CTNNA2: variants seen among roughly 807,000 people sequenced by gnomAD.
The protein encoded by CTNNA2 is catenin alpha-2.
Under a neutral mutation model 101.0 loss-of-function variants are expected in CTNNA2, and 42 were observed. The observed-to-expected ratio is 0.42, with a 90% CI of 0.32 to 0.54. The LOEUF is 0.54. Among genes scored for constraint, CTNNA2 ranks in the 20% least tolerant of loss-of-function variants. The pLI is 0.14. For synonymous variants in CTNNA2, 450 were observed against 456.4 expected, an observed-to-expected ratio of 0.99 and a Z score of 0.18; for missense variants, 871 against 1,223.1, an observed-to-expected ratio of 0.71 and a Z score of 4.29.
chr2:79,886,683 A>G (rs185299229), intron 6 of CTNNA2, among the ~76,000 whole-genome samples: 2,384 of 124,144 alleles, frequency 0.019, 35 homozygotes, highest in African/African-American at 0.031. Flanking sequence ...CCCGGGAGGC[A>G]GAGCTTGCAG....
intron 1 of CTNNA2, chr2:79,634,681 G>T (rs1268765657): frequency 6.6e-6 from 1 of 152,280 alleles, no homozygotes; most frequent in African/African-American, 2.4e-5. Flanking sequence ...CCTGAGTTGA[G>T]TCTCAAAACA....
chr2:80,125,379 A>G (rs1702056151), intron 7 of CTNNA2, among the ~76,000 whole-genome samples: 1 of 152,172 alleles, frequency 6.6e-6, no homozygotes, highest in East Asian at 1.9e-4. Flanking sequence ...TACGAAGATT[A>G]CAGTGACAAG....
At chr2:80,539,672 C>G (rs1691371018) in intron 9 of CTNNA2, among the ~76,000 whole-genome samples, 1 of 152,070 alleles carries the variant, frequency 6.6e-6, no homozygotes, top group Non-Finnish European at 1.5e-5. Flanking sequence ...AAAGACTGGC[C>G]TAGTCTTCTC....
chr2:80,186,745 G>A (rs969375572), intron 7 of CTNNA2, among the ~76,000 whole-genome samples: 2 of 152,072 alleles, frequency 1.3e-5, no homozygotes, highest in Non-Finnish European at 2.9e-5. Flanking sequence ...AATTAAATCA[G>A]GTTTTTTATT....
intron 7 of CTNNA2, among the ~76,000 whole-genome samples, chr2:80,343,944 T>G (rs986402092): frequency 1.3e-5 from 2 of 152,174 alleles, no homozygotes; most frequent in Non-Finnish European, 2.9e-5. Flanking sequence ...TCCCCATTCC[T>G]TTATCCCTTT....
At chr2:79,373,721 A>C (rs1677924134) in intron 3 of CTNNA2, 1 of 152,220 alleles carries the variant, frequency 6.6e-6, no homozygotes, top group Admixed American at 6.5e-5. Flanking sequence ...GTTGGATGGC[A>C]GTGCAATCAC....
intron 4 of CTNNA2, among the ~76,000 whole-genome samples, chr2:79,425,998 C>T (rs1356250051): frequency 6.6e-6 from 1 of 152,040 alleles, no homozygotes; most frequent in East Asian, 1.9e-4. Flanking sequence ...TGTGGACCGG[C>T]TGTAAGTTAT....
chr2:80,096,372 T>G (rs112867356), intron 7 of CTNNA2, among the ~76,000 whole-genome samples: 4 of 152,092 alleles, frequency 2.6e-5, no homozygotes, highest in African/African-American at 9.7e-5. Flanking sequence ...TGAGAGAGAG[T>G]TTTTTATAAT....
intron 2 of CTNNA2, among the ~76,000 whole-genome samples, chr2:79,285,781 A>T (rs1675556254): frequency 6.9e-6 from 1 of 145,894 alleles, no homozygotes; most frequent in Non-Finnish European, 1.5e-5. Context: ...CACTTGGTGC[A>T]GAGCTGAGTT....
chr2:79,876,830 T>TTTG (rs1315623225), intron 6 of CTNNA2, among the ~76,000 whole-genome samples: 1 of 152,032 alleles, frequency 6.6e-6, no homozygotes, highest in Non-Finnish European at 1.5e-5. Flanking sequence ...AGGTTTTTTT[T>TTTG]TTGTTGTTGT....
At chr2:79,581,511 G>T (rs1441487744) in intron 1 of CTNNA2, among the ~76,000 whole-genome samples, 2 of 151,866 alleles carry the variant, frequency 1.3e-5, no homozygotes, top group South Asian at 4.2e-4. Context: ...GAGGACAGAG[G>T]AAGACTCTAT....
intron 14 of CTNNA2, among the ~76,000 whole-genome samples, chr2:80,584,143 G>A (rs1339635824): frequency 1.3e-5 from 2 of 152,104 alleles, no homozygotes; most frequent in African/African-American, 4.8e-5. Flanking sequence ...AGTGTGCTAA[G>A]TTGGTCCAAA....
intron 7 of CTNNA2, among the ~76,000 whole-genome samples, chr2:80,192,057 T>C (rs1301217838): frequency 1.3e-5 from 2 of 152,218 alleles, no homozygotes; most frequent in Non-Finnish European, 1.5e-5. Flanking sequence ...AAATTATACA[T>C]TGAAAATATG....
chr2:79,934,879 T>C (rs1311483502), intron 7 of CTNNA2, among the ~76,000 whole-genome samples: 1 of 152,260 alleles, frequency 6.6e-6, no homozygotes, highest in African/African-American at 2.4e-5. Context: ...AAGGTTTTAC[T>C]TTCAAAGATA....
At chr2:79,564,716 T>A (rs1675001306) in intron 1 of CTNNA2, among the ~76,000 whole-genome samples, 1 of 152,202 alleles carries the variant, frequency 6.6e-6, no homozygotes, top group African/African-American at 2.4e-5. Context: ...TGCCTGAATT[T>A]GGTTTATTAT....
At chr2:80,602,466 T>C (rs563050208) in intron 15 of CTNNA2, among the ~76,000 whole-genome samples, 1 of 152,062 alleles carries the variant, frequency 6.6e-6, no homozygotes, top group Non-Finnish European at 1.5e-5. Flanking sequence ...TCAAACAGAA[T>C]GCAGTCTTAT....
At chr2:79,287,929 G>C (rs545145133) in intron 2 of CTNNA2, among the ~76,000 whole-genome samples, 3 of 152,370 alleles carry the variant, frequency 2.0e-5, no homozygotes, top group East Asian at 1.9e-4. Flanking sequence ...CTCTGAGCCA[G>C]GTGCGGGATA....
intron 7 of CTNNA2, among the ~76,000 whole-genome samples, chr2:80,268,533 G>T (rs764065468): frequency 1.3e-5 from 2 of 152,084 alleles, no homozygotes; most frequent in Non-Finnish European, 2.9e-5. Flanking sequence ...CAAATGACAA[G>T]AAAACTGAGA....
At chr2:79,528,934 C>G (rs1672578251) in intron 1 of CTNNA2, among the ~76,000 whole-genome samples, 1 of 152,034 alleles carries the variant, frequency 6.6e-6, no homozygotes, top group South Asian at 2.1e-4. Context: ...GGCCCGTAAA[C>G]AAACTGAGGA....
Sources: allele counts gnomAD v4.1 joint callset (sites outside exome capture counted in the v4.1 genomes callset), GRCh38; gene constraint gnomAD v4.1.1; transcripts MANE v1.5; gene names NCBI Gene and HGNC (gene_info 2026-07-23, HGNC 2026-07-21).